The following CFAP299 variants were observed in gnomAD, a reference collection of about 807,000 sequenced individuals.
The protein encoded by CFAP299 is cilia- and flagella-associated protein 299.
CFAP299 carries 21 observed loss-of-function variants against 27.0 expected under a neutral mutation model. The observed-to-expected ratio is 0.78, with a 90% CI of 0.55 to 1.12. CFAP299 has a LOEUF of 1.12. Ranked by LOEUF, CFAP299 falls within the 50% of genes most tolerant of loss-of-function variation. The pLI, the probability that CFAP299 is intolerant of heterozygous loss-of-function variation, is 0.00. For synonymous variants in CFAP299, 104 were observed against 98.1 expected (o/e 1.06, Z -0.36); for missense variants, 310 against 276.6 (o/e 1.12, Z -0.86).
chr4:80,677,806 A>G (rs904445775), intron 3 of CFAP299, among the ~76,000 whole-genome samples: 3 of 152,066 alleles, frequency 2.0e-5, no homozygotes, highest in African/African-American at 7.2e-5. Flanking sequence ...CACAAGAGTT[A>G]ACTTTTGTCT....
chr4:80,899,062 C>T (rs1207990692), intron 4 of CFAP299, among the ~76,000 whole-genome samples: 1 of 152,224 alleles, frequency 6.6e-6, no homozygotes, highest in Non-Finnish European at 1.5e-5. Flanking sequence ...GTCTCTGCCC[C>T]TTGCTTGATG....
intron 3 of CFAP299, among the ~76,000 whole-genome samples, chr4:80,799,404 T>A (rs1728121535): frequency 1.1e-5 from 1 of 92,238 alleles, no homozygotes; most frequent in Non-Finnish European, 1.9e-5. Flanking sequence ...TTTATATATA[T>A]TTATACATAT....
At chr4:80,356,743 G>A (rs1287210444) in intron 1 of CFAP299, among the ~76,000 whole-genome samples, 1 of 152,026 alleles carries the variant, frequency 6.6e-6, no homozygotes, top group Non-Finnish European at 1.5e-5. Flanking sequence ...GGGCTCAGTT[G>A]ATAGGATTTT....
chr4:80,534,003 T>C (rs368580566), intron 2 of CFAP299, among the ~76,000 whole-genome samples: 60 of 152,238 alleles, frequency 3.9e-4, no homozygotes, highest in African/African-American at 1.3e-3. Context: ...TTCAGAGTTA[T>C]CAGGGAACTA....
intron 5 of CFAP299, among the ~76,000 whole-genome samples, chr4:80,959,774 T>C (rs1188634851): frequency 6.6e-6 from 1 of 151,944 alleles, no homozygotes; most frequent in Non-Finnish European, 1.5e-5. Flanking sequence ...CCTGACTGTT[T>C]TATTAATTTT....
At chr4:80,431,394 C>G (rs906565216) in intron 2 of CFAP299, among the ~76,000 whole-genome samples, 1 of 139,778 alleles carries the variant, frequency 7.2e-6, no homozygotes. Context: ...CTTCCTCCCT[C>G]TCTTCCTTTC....
intron 2 of CFAP299, among the ~76,000 whole-genome samples, chr4:80,441,392 G>A (rs1010354138): frequency 4.6e-5 from 7 of 152,158 alleles, no homozygotes; most frequent in African/African-American, 1.2e-4. Flanking sequence ...GAGAGTGGGG[G>A]CCAACATTCA....
chr4:80,846,164 C>T lies in CFAP299; in HGVS notation c.334-23829C>T, dbSNP rs948757323. 5.3e-5 allele frequency among the ~76,000 whole-genome samples: 8 copies of T among 152,160 alleles called. No individual in the cohort carries two copies. In the East Asian group the frequency reaches 1.5e-3, roughly 29 times the overall value. ...ACTGCATCTCATTCATCTCCTGAGG[C>T]AGTGTGATAGGAATTAGGTAAGAAA... On this transcript the variant is annotated intron_variant, in intron 3 of 5. Transcript: ENST00000358105.
At chr4:80,488,822 A>G (rs1307423100) in intron 2 of CFAP299, among the ~76,000 whole-genome samples, 1 of 152,046 alleles carries the variant, frequency 6.6e-6, no homozygotes, top group African/African-American at 2.4e-5. Context: ...CAAAGGAAGA[A>G]CTCTGTTCAA....
chr4:80,431,439 CCTTT>C (rs1244987254), intron 2 of CFAP299, among the ~76,000 whole-genome samples: 3 of 149,942 alleles, frequency 2.0e-5, no homozygotes, highest in East Asian at 4.0e-4. Context: ...TTCCTCCCTT[CCTTT>C]CTTTGCCTCC....
intron 2 of CFAP299, among the ~76,000 whole-genome samples, chr4:80,515,657 G>T (rs1409548208): frequency 6.6e-6 from 1 of 152,158 alleles, no homozygotes; most frequent in Non-Finnish European, 1.5e-5. Context: ...AACAAGCTGT[G>T]ATAACAATTA....
At chr4:80,353,777 A>G (rs1403362135) in intron 1 of CFAP299, among the ~76,000 whole-genome samples, 3 of 152,236 alleles carry the variant, frequency 2.0e-5, no homozygotes, top group African/African-American at 7.2e-5. Context: ...GAATAGAAAT[A>G]GAGAAATCAC....
At chr4:80,803,232 CA>C (rs1378235531) in intron 3 of CFAP299, among the ~76,000 whole-genome samples, 1 of 151,916 alleles carries the variant, frequency 6.6e-6, no homozygotes, top group Non-Finnish European at 1.5e-5. Context: ...CCAATAATTA[CA>C]ATACAGTGCA....
At chr4:80,676,222 T>G (rs1221314758) in intron 3 of CFAP299, among the ~76,000 whole-genome samples, 1 of 152,220 alleles carries the variant, frequency 6.6e-6, no homozygotes. Context: ...ATCATATTGT[T>G]TTTGTCCTTG....
chr4:80,578,551 A>G (rs1735995049), intron 2 of CFAP299, among the ~76,000 whole-genome samples: 1 of 152,178 alleles, frequency 6.6e-6, no homozygotes, highest in Non-Finnish European at 1.5e-5. Context: ...GCATAATAAT[A>G]AAAGAAGAAC....
chr4:80,394,110 A>G (rs1725645769), intron 2 of CFAP299, among the ~76,000 whole-genome samples: 1 of 152,124 alleles, frequency 6.6e-6, no homozygotes, highest in South Asian at 2.1e-4. Context: ...TTCCTCCATG[A>G]TTGTAAGTTT....
chr4:80,520,793 T>C (rs1040239947), intron 2 of CFAP299, among the ~76,000 whole-genome samples: 8 of 152,228 alleles, frequency 5.3e-5, no homozygotes, highest in Admixed American at 2.0e-4. Context: ...AACAAGACTT[T>C]CTGGTGGCCT....
At chr4:80,856,104 T>C (rs1363543105) in intron 3 of CFAP299, among the ~76,000 whole-genome samples, 1 of 151,736 alleles carries the variant, frequency 6.6e-6, no homozygotes, top group Admixed American at 6.6e-5. Context: ...CCATTCTAAC[T>C]GGTATGAGAT....
At chr4:80,790,755 C>G (rs1250291842) in intron 3 of CFAP299, among the ~76,000 whole-genome samples, 1 of 151,960 alleles carries the variant, frequency 6.6e-6, no homozygotes, top group Admixed American at 6.6e-5. Flanking sequence ...GCAGCCCAAA[C>G]TAATACAAAC....
Sources: gnomAD v4.1 joint callset for allele counts (sites outside exome capture counted in the v4.1 genomes callset) on GRCh38, gnomAD v4.1.1 for gene constraint, MANE v1.5 for transcripts, NCBI Gene and HGNC (gene_info 2026-07-23, HGNC 2026-07-21) for gene names.